The following NRXN1 variants were observed in gnomAD, a reference collection of about 807,000 sequenced individuals.
The protein encoded by NRXN1 is neurexin-1.
In NRXN1, 39 loss-of-function variants were observed where a neutral mutation model predicts 150.9. The ratio of observed to expected loss-of-function variants is 0.26; its 90% CI spans 0.20 to 0.34. The LOEUF (loss-of-function observed/expected upper bound fraction) is 0.34, where lower values mean the gene tolerates loss of function less well. Among genes scored for constraint, NRXN1 ranks in the 10% least tolerant of loss-of-function variants. The pLI is 1.00. For missense variants in NRXN1, 1,815 were observed against 1,949.9 expected (o/e 0.93, Z 1.30); for synonymous variants, 924 against 757.0 (o/e 1.22, Z -3.62).
intron 5 of NRXN1, among the ~76,000 whole-genome samples, chr2:50,812,667 T>C (rs1668378446): frequency 6.6e-6 from 1 of 151,108 alleles, no homozygotes; most frequent in Non-Finnish European, 1.5e-5. Flanking sequence ...AAAATATATA[T>C]ACATAATATA....
chr2:49,938,170 C>A (rs1174380498), intron 22 of NRXN1, among the ~76,000 whole-genome samples: 1 of 152,206 alleles, frequency 6.6e-6, no homozygotes, highest in Non-Finnish European at 1.5e-5. Flanking sequence ...TTCTGTGTTC[C>A]AAGAAACTAT....
intron 15 of NRXN1, among the ~76,000 whole-genome samples, chr2:50,495,221 C>A (rs559622055): frequency 5.7e-4 from 87 of 152,228 alleles, no homozygotes; most frequent in East Asian, 2.1e-3. Flanking sequence ...AAACTTCAGT[C>A]ATTTCTCTTC....
At chr2:50,213,483 T>C (rs1014144053) in intron 18 of NRXN1, among the ~76,000 whole-genome samples, 3 of 151,860 alleles carry the variant, frequency 2.0e-5, no homozygotes, top group Non-Finnish European at 4.4e-5. Flanking sequence ...TATAATTGAT[T>C]TTCCTATACA....
intron 5 of NRXN1, among the ~76,000 whole-genome samples, chr2:50,673,595 C>A (rs773761061): frequency 6.6e-6 from 1 of 151,990 alleles, no homozygotes; most frequent in African/African-American, 2.4e-5. Context: ...TATTAGGATG[C>A]TTCAGGGTGG....
At chr2:51,012,495 T>C (rs751330338) in intron 2 of NRXN1, among the ~76,000 whole-genome samples, 1 of 152,070 alleles carries the variant, frequency 6.6e-6, no homozygotes, top group Non-Finnish European at 1.5e-5. Flanking sequence ...AGCACACATG[T>C]GTACCTTATT....
At chr2:50,483,506 G>T (rs760790660) in intron 15 of NRXN1, among the ~76,000 whole-genome samples, 8 of 152,078 alleles carry the variant, frequency 5.3e-5, no homozygotes, top group Non-Finnish European at 1.2e-4. Flanking sequence ...CTTGGGTTCC[G>T]GTTCAGGGCC....
chr2:50,340,607 A>G (rs747893522), intron 17 of NRXN1, among the ~76,000 whole-genome samples: 18 of 152,136 alleles, frequency 1.2e-4, no homozygotes, highest in Non-Finnish European at 2.5e-4. Flanking sequence ...TTTAGAATCA[A>G]TACGTCCCTG....
intron 2 of NRXN1, among the ~76,000 whole-genome samples, chr2:51,015,074 G>C (rs1482082551): frequency 6.6e-6 from 1 of 151,978 alleles, no homozygotes; most frequent in African/African-American, 2.4e-5. Context: ...GTATGTTCCT[G>C]TCCTGTCTTC....
At chr2:50,807,624 T>G (rs1357109509) in intron 5 of NRXN1, among the ~76,000 whole-genome samples, 2 of 152,112 alleles carry the variant, frequency 1.3e-5, no homozygotes, top group Admixed American at 6.6e-5. Context: ...AGAGAATCAA[T>G]TTGCAAAAGG....
chr2:49,994,093 C>G (rs555346043), intron 21 of NRXN1, among the ~76,000 whole-genome samples: 1 of 152,110 alleles, frequency 6.6e-6, no homozygotes, highest in African/African-American at 2.4e-5. Flanking sequence ...TCCTCTGTTT[C>G]CCTTCACAAG....
At chr2:50,082,231 G>A (rs1698078045) in intron 19 of NRXN1, among the ~76,000 whole-genome samples, 1 of 152,138 alleles carries the variant, frequency 6.6e-6, no homozygotes, top group Non-Finnish European at 1.5e-5. Context: ...TATCTTTGGT[G>A]AAAAGTCCTT....
chr2:50,318,309 T>C (rs1408175295), intron 17 of NRXN1, among the ~76,000 whole-genome samples: 2 of 152,082 alleles, frequency 1.3e-5, no homozygotes, highest in African/African-American at 4.8e-5. Flanking sequence ...AAAGTTTAGA[T>C]GAGAACACAG....
At chr2:50,388,943 C>T (rs1235003787) in intron 17 of NRXN1, among the ~76,000 whole-genome samples, 1 of 151,986 alleles carries the variant, frequency 6.6e-6, no homozygotes, top group Non-Finnish European at 1.5e-5. Context: ...AAAGAAAACA[C>T]ATCTTGTGGC....
chr2:50,500,716 A>G (rs1020318487), intron 13 of NRXN1, among the ~76,000 whole-genome samples: 1 of 152,202 alleles, frequency 6.6e-6, no homozygotes, highest in African/African-American at 2.4e-5. Context: ...CAACCAAAAC[A>G]TGTTTCCTAG....
chr2:50,398,821 T>C (rs1434543147), intron 17 of NRXN1, among the ~76,000 whole-genome samples: 1 of 152,174 alleles, frequency 6.6e-6, no homozygotes. Context: ...AGCTTGGTAG[T>C]ACAAAAGTGG....
At chr2:49,982,456 C>T (rs6715111) in intron 21 of NRXN1, among the ~76,000 whole-genome samples, 2,942 of 145,226 alleles carry the variant, frequency 0.02, 99 homozygotes, top group African/African-American at 0.069. Flanking sequence ...ATTACATGAC[C>T]ACAAAAAAGT....
intron 18 of NRXN1, among the ~76,000 whole-genome samples, chr2:50,092,785 G>C (rs537959485): frequency 2.0e-5 from 3 of 152,044 alleles, no homozygotes; most frequent in African/African-American, 7.2e-5. Context: ...AGATCCTAAA[G>C]GTTTCTGTTG....
Position 49,919,286 on chromosome 2 carries a change from T to TTTTC in NRXN1, c.*2654_*2657dup, listed in dbSNP as rs1175169103. ...TTCTCTTTCTAACTCTGTTCCTCTC[T>TTTTC]TTTCTTTTTCCATTGAGGAAAAAAT... On this transcript the variant is annotated 3_prime_UTR_variant, in exon 23 of 23. Transcript: ENST00000401669. The TTTTC allele has an allele frequency of 6.6e-6, 1 of 152,124 alleles. No individual in the cohort carries two copies. Among genetic ancestry groups the TTTTC allele is most frequent in the African/African-American group, 2.4e-5 (1 of 41,446 alleles). The allele number at this position is 152,124 out of a possible 1,614,324, so 9.4% of individuals were successfully genotyped here.
intron 18 of NRXN1, among the ~76,000 whole-genome samples, chr2:50,231,579 T>A (rs970956646): frequency 3.9e-5 from 6 of 152,096 alleles, no homozygotes; most frequent in African/African-American, 1.2e-4. Context: ...GGCAAAAATG[T>A]GCAACAATTC....
Sources: gnomAD v4.1 joint callset for allele counts (sites outside exome capture counted in the v4.1 genomes callset) on GRCh38, gnomAD v4.1.1 for gene constraint, MANE v1.5 for transcripts, NCBI Gene and HGNC (gene_info 2026-07-23, HGNC 2026-07-21) for gene names.